PAN3: variants seen among roughly 807,000 people sequenced by gnomAD.
The protein encoded by PAN3 is poly(A) specific ribonuclease subunit PAN3, also known as PAN2-PAN3 deadenylation complex subunit PAN3.
Under a neutral mutation model 96.2 loss-of-function variants are expected in PAN3, and 19 were observed. The ratio of observed to expected loss-of-function variants is 0.20; its 90% CI spans 0.14 to 0.29. The LOEUF is 0.29. Among genes scored for constraint, PAN3 ranks in the 10% least tolerant of loss-of-function variants. The probability of loss-of-function intolerance (pLI) is 1.00; values close to 1 mark genes in which losing one functional copy is unlikely to be tolerated. For synonymous variants in PAN3, 433 were observed against 406.6 expected, an observed-to-expected ratio of 1.06 and a Z score of -0.78; for missense variants, 882 against 1,108.1, an observed-to-expected ratio of 0.80 and a Z score of 2.90.
At chr13:28,215,913 C>A in intron 5 of PAN3, 1 of 1,209,026 alleles carries the variant, frequency 8.3e-7, no homozygotes, top group Non-Finnish European at 1.2e-6. Context: ...ATCCCTAATA[C>A]CTGCCACTCT....
At chr13:28,198,235 G>A (rs973268628) in intron 5 of PAN3, among the ~76,000 whole-genome samples, 7 of 151,194 alleles carry the variant, frequency 4.6e-5, no homozygotes, top group East Asian at 1.9e-4. Context: ...GCAGCAAGCC[G>A]AGACTGCACC....
chr13:28,291,185 TTGTC>T lies in PAN3; in HGVS notation c.2524-1194_2524-1191del, dbSNP rs375649450. Among the ~76,000 whole-genome samples, 603 of 152,274 alleles carry T rather than the reference TTGTC, an allele frequency of 4.0e-3. 2 individuals are homozygous for T. The highest frequency in any genetic ancestry group is 0.014 in the African/African-American group (575 of 41,562). ...ATTTTGGTAGAAATAATGACAGAAA[TTGTC>T]TGGTAAATGATTTGAATGTTTGAGC... On this transcript the variant is annotated intron_variant, in intron 18 of 18. Coordinates refer to ENST00000380958, the MANE Select transcript of PAN3 (RefSeq NM_175854.8).
At chr13:28,150,097 T>G (rs1871173562) in intron 1 of PAN3, among the ~76,000 whole-genome samples, 2 of 152,190 alleles carry the variant, frequency 1.3e-5, no homozygotes, top group South Asian at 4.1e-4. Flanking sequence ...TATACTTGAT[T>G]GAGAGATGAG....
intron 1 of PAN3, among the ~76,000 whole-genome samples, chr13:28,146,735 T>C (rs754991521): frequency 9.2e-5 from 14 of 152,176 alleles, no homozygotes; most frequent in Non-Finnish European, 1.6e-4. Flanking sequence ...CCTGATACTT[T>C]GGGAGGCCAA....
chr13:28,198,915 T>A (rs1244292404), intron 5 of PAN3, among the ~76,000 whole-genome samples: 4 of 152,234 alleles, frequency 2.6e-5, no homozygotes, highest in Admixed American at 6.5e-5. Flanking sequence ...AATAAATAAA[T>A]TATTCCAAAA....
rs150500590 is a variant in PAN3 at position 28,255,335 on chromosome 13, T to C, written c.1001-957T>C. On this transcript the variant is annotated intron_variant, in intron 6 of 18. Coordinates refer to ENST00000380958, the MANE Select transcript of PAN3 (RefSeq NM_175854.8). Reference sequence around the variant, plus strand: ...AAGCCTTTGATTAACGCTACCTGGTTTTAATTAATTTGCATTTCATCAGCA... The same window carrying C: ...AAGCCTTTGATTAACGCTACCTGGTCTTAATTAATTTGCATTTCATCAGCA... Among the ~76,000 whole-genome samples, 116 of 152,282 alleles carry C rather than the reference T, an allele frequency of 7.6e-4. No homozygotes were observed. In the East Asian group the frequency reaches 0.022, roughly 28 times the overall value.
At chr13:28,220,129 T>G in intron 5 of PAN3, 102 bp from the exon 6 acceptor site, 1 of 1,110,284 alleles carries the variant, frequency 9.0e-7, no homozygotes, top group African/African-American at 1.6e-5. Flanking sequence ...TTCAATAATA[T>G]ATTTTACTTA....
intron 6 of PAN3, among the ~76,000 whole-genome samples, chr13:28,246,959 T>C (rs1026402060): frequency 6.6e-6 from 1 of 152,206 alleles, no homozygotes; most frequent in Non-Finnish European, 1.5e-5. Flanking sequence ...CTGGATCATA[T>C]GGCAGTTCTG....
At chr13:28,277,650 A>G (rs1887170290) in intron 15 of PAN3, among the ~76,000 whole-genome samples, 1 of 152,256 alleles carries the variant, frequency 6.6e-6, no homozygotes, top group Non-Finnish European at 1.5e-5. Context: ...TTACATTGAT[A>G]TTAATTGAAA....
intron 12 of PAN3, among the ~76,000 whole-genome samples, chr13:28,270,445 A>G (rs539549654): frequency 3.9e-4 from 60 of 152,348 alleles, no homozygotes; most frequent in African/African-American, 1.3e-3. Context: ...TTTTTATTCA[A>G]TAATTAAGTG....
chr13:28,238,171 A>C (rs9551449), intron 6 of PAN3, among the ~76,000 whole-genome samples: 2 of 152,136 alleles, frequency 1.3e-5, no homozygotes, highest in East Asian at 1.9e-4. Flanking sequence ...TTACCAGTAC[A>C]TAGGTTAAGG....
At chr13:28,274,182 G>A (rs895757794) in intron 14 of PAN3, among the ~76,000 whole-genome samples, 10 of 152,104 alleles carry the variant, frequency 6.6e-5, no homozygotes, top group Non-Finnish European at 1.3e-4. Flanking sequence ...TTTTCCCCCA[G>A]CAGCATCATT....
At chr13:28,254,790 C>G (rs981941734) in intron 6 of PAN3, among the ~76,000 whole-genome samples, 11 of 151,912 alleles carry the variant, frequency 7.2e-5, no homozygotes, top group African/African-American at 2.4e-4. Context: ...CTATTTTAAT[C>G]TCAATGCAGT....
intron 1 of PAN3, among the ~76,000 whole-genome samples, chr13:28,166,885 C>T (rs1430535988): frequency 2.0e-5 from 3 of 152,102 alleles, no homozygotes; most frequent in African/African-American, 7.2e-5. Context: ...TGTGAGGCAA[C>T]CCTGGGCAAC....
Position 28,140,087 on chromosome 13 carries a change from A to G in PAN3, c.430+1000A>G, listed in dbSNP as rs545971915. ...CTCTGCCTACGGAGTAGCTGGGACT[A>G]CAGGCGCGCGCCACCACGGCCAGAT... On this transcript the variant is annotated intron_variant, in intron 1 of 18. Coordinates refer to ENST00000380958, the MANE Select transcript of PAN3 (RefSeq NM_175854.8). Among the ~76,000 whole-genome samples the G allele has an allele frequency of 6.6e-5, 10 of 152,236 alleles. No individual in the cohort carries two copies. The South Asian group carries it at 1.7e-3, about 25-fold the overall frequency.
intron 6 of PAN3, among the ~76,000 whole-genome samples, chr13:28,255,285 C>A (rs914783218): frequency 2.0e-5 from 3 of 152,144 alleles, no homozygotes; most frequent in Non-Finnish European, 4.4e-5. Context: ...CCTTTTCAGT[C>A]TGCTCAGAAC....
chr13:28,178,769 C>T (rs1875381682), intron 4 of PAN3, among the ~76,000 whole-genome samples: 1 of 151,954 alleles, frequency 6.6e-6, no homozygotes, highest in Admixed American at 6.6e-5. Context: ...TTTAGAATAA[C>T]TGATATGAAC....
chr13:28,274,637 G>A (rs1044553162), intron 14 of PAN3, among the ~76,000 whole-genome samples: 11 of 151,984 alleles, frequency 7.2e-5, no homozygotes, highest in African/African-American at 2.7e-4. Context: ...CCAACTTTAA[G>A]CATTTAGGGC....
intron 5 of PAN3, among the ~76,000 whole-genome samples, chr13:28,210,306 G>A (rs75821072): frequency 0.02 from 2,988 of 152,180 alleles, 109 homozygotes; most frequent in African/African-American, 0.067. Flanking sequence ...CTAATGTAAA[G>A]CTTGTTACTA....
Sources: allele counts gnomAD v4.1 joint callset (sites outside exome capture counted in the v4.1 genomes callset), GRCh38; gene constraint gnomAD v4.1.1; transcripts MANE v1.5; gene names NCBI Gene and HGNC (gene_info 2026-07-23, HGNC 2026-07-21).